Variants in RNF150 observed in about 807,000 individuals in gnomAD.
The protein encoded by RNF150 is ring finger protein 150.
Under a neutral mutation model 39.3 loss-of-function variants are expected in RNF150, and 24 were observed. The observed-to-expected ratio is 0.61, with a 90% CI of 0.44 to 0.86. RNF150 has a LOEUF of 0.86. RNF150 is among the 40% of genes least tolerant of loss of function. The probability of loss-of-function intolerance (pLI) is 0.00; values close to 1 mark genes in which losing one functional copy is unlikely to be tolerated. For missense variants in RNF150, 502 were observed against 587.8 expected (o/e 0.85, Z 1.51); for synonymous variants, 255 against 227.3 (o/e 1.12, Z -1.10).
intron 1 of RNF150, among the ~76,000 whole-genome samples, chr4:141,084,724 T>C (rs1442152711): frequency 6.6e-6 from 1 of 152,218 alleles, no homozygotes; most frequent in Non-Finnish European, 1.5e-5. Flanking sequence ...GAAATAAAGA[T>C]TCACTTTGTC....
intron 1 of RNF150, among the ~76,000 whole-genome samples, chr4:141,039,429 G>C (rs1256492198): frequency 6.6e-6 from 1 of 151,456 alleles, no homozygotes; most frequent in African/African-American, 2.4e-5. Flanking sequence ...AAAAGGGAGA[G>C]GAGAAAAGAG....
In RNF150 at chr4:140,999,975, GAAA is replaced by G. The variant is rs777595439; in HGVS notation, c.485-32105_485-32103del. 2.6e-4 allele frequency among the ~76,000 whole-genome samples: 11 copies of G among 41,828 alleles called. 2 individuals carry two copies. The highest frequency in any genetic ancestry group is 3.7e-4 in the Non-Finnish European group (7 of 18,898). The allele number at this position is 41,828 out of a possible 152,430, so 27.4% of individuals were successfully genotyped here. ...AGAAGAAGAAGAAGAAGAAGAAGAA[GAAA>G]AGAAGAAAAGAAGAAAAGAAGAAGA... On this transcript the variant is annotated intron_variant, in intron 1 of 6. Transcript: ENST00000515673.
At chr4:140,993,109 G>A (rs1734253671) in intron 1 of RNF150, among the ~76,000 whole-genome samples, 1 of 152,132 alleles carries the variant, frequency 6.6e-6, no homozygotes, top group Admixed American at 6.6e-5. Flanking sequence ...CCACAACTCA[G>A]GCCTGAAAAC....
At chr4:141,194,587 CA>C (rs148903558) in intron 1 of RNF150, among the ~76,000 whole-genome samples, 4,908 of 152,204 alleles carry the variant, frequency 0.032, 274 homozygotes, top group African/African-American at 0.11. Context: ...TACAGTGTTA[CA>C]ACTGCAGGCT....
intron 1 of RNF150, among the ~76,000 whole-genome samples, chr4:141,032,738 T>A (rs535400700): frequency 6.6e-6 from 1 of 152,190 alleles, no homozygotes; most frequent in East Asian, 1.9e-4. Context: ...GATTCAGTAA[T>A]AAGGTAAATA....
intron 4 of RNF150, among the ~76,000 whole-genome samples, chr4:140,936,750 T>A (rs1367238592): frequency 1.3e-5 from 2 of 152,122 alleles, no homozygotes; most frequent in Admixed American, 1.3e-4. Context: ...CTAGGCCATA[T>A]CATTCTTCAT....
rs375223217 is a variant in RNF150 at position 141,098,874 on chromosome 4, AC to A, written c.484+33450del. Among the ~76,000 whole-genome samples the A allele has an allele frequency of 2.7e-3, 408 of 152,218 alleles. 1 individual carries two copies. The highest frequency in any genetic ancestry group is 9.6e-3 in the African/African-American group (397 of 41,548). ...GGAAGTTTTATTAGACTTCTGACAC[AC>A]CTTAGCCAATGCAGAAAATGGTTCT... On this transcript the variant is annotated intron_variant, in intron 1 of 6. Transcript: ENST00000515673.
intron 6 of RNF150, among the ~76,000 whole-genome samples, chr4:140,902,982 G>A (rs1730242153): frequency 6.6e-6 from 1 of 152,184 alleles, no homozygotes; most frequent in Non-Finnish European, 1.5e-5. Context: ...GGTGCTAGAA[G>A]GAGAAAGGTG....
chr4:141,165,018 T>C (rs1024786140), intron 1 of RNF150, among the ~76,000 whole-genome samples: 5 of 151,584 alleles, frequency 3.3e-5, no homozygotes, highest in African/African-American at 1.2e-4. Flanking sequence ...GGATAAAGAG[T>C]CAAAACTCAC....
At chr4:140,870,325 T>C (rs1380195322) in intron 6 of RNF150, among the ~76,000 whole-genome samples, 1 of 152,176 alleles carries the variant, frequency 6.6e-6, no homozygotes, top group Non-Finnish European at 1.5e-5. Flanking sequence ...TTAAAAACAG[T>C]GGCATTCAAC....
At chr4:140,924,925 G>A (rs771502161) in intron 5 of RNF150, among the ~76,000 whole-genome samples, 1 of 152,112 alleles carries the variant, frequency 6.6e-6, no homozygotes, top group Non-Finnish European at 1.5e-5. Context: ...CTTCAGGTGC[G>A]CCCTCTCCAG....
At chr4:141,077,533 T>C (rs1032911113) in intron 1 of RNF150, among the ~76,000 whole-genome samples, 1 of 151,982 alleles carries the variant, frequency 6.6e-6, no homozygotes, top group African/African-American at 2.4e-5. Flanking sequence ...ATATGTGAGA[T>C]AAAAAATAAA....
chr4:141,125,988 C>T (rs1726740022), intron 1 of RNF150, among the ~76,000 whole-genome samples: 1 of 150,688 alleles, frequency 6.6e-6, no homozygotes, highest in African/African-American at 2.5e-5. Flanking sequence ...TGTTATTTAA[C>T]ACTTTGATGA....
At chr4:141,067,292 T>C (rs1469553083) in intron 1 of RNF150, among the ~76,000 whole-genome samples, 1 of 152,206 alleles carries the variant, frequency 6.6e-6, no homozygotes, top group African/African-American at 2.4e-5. Context: ...AAATCATCCT[T>C]AAGCTATTGC....
chr4:141,078,891 A>C (rs926327714), intron 1 of RNF150, among the ~76,000 whole-genome samples: 1 of 147,264 alleles, frequency 6.8e-6, no homozygotes, highest in Non-Finnish European at 1.5e-5. Context: ...ATACACATAC[A>C]TATATATACA....
chr4:140,877,476 G>A (rs942511519), intron 6 of RNF150, among the ~76,000 whole-genome samples: 3 of 152,184 alleles, frequency 2.0e-5, no homozygotes, highest in African/African-American at 7.2e-5. Context: ...GATAGGCAGA[G>A]TTCATACATA....
intron 1 of RNF150, among the ~76,000 whole-genome samples, chr4:141,189,460 C>T (rs1438590853): frequency 1.3e-5 from 2 of 152,198 alleles, no homozygotes; most frequent in African/African-American, 2.4e-5. Flanking sequence ...TCAGAGTCAG[C>T]GGGCAGGAAT....
chr4:140,985,379 G>A (rs1248756486), intron 1 of RNF150, among the ~76,000 whole-genome samples: 1 of 152,110 alleles, frequency 6.6e-6, no homozygotes, highest in Non-Finnish European at 1.5e-5. Context: ...TGAAGGGAGA[G>A]TCAAGGATCC....
intron 1 of RNF150, among the ~76,000 whole-genome samples, chr4:141,066,061 G>A (rs569340367): frequency 6.6e-5 from 10 of 151,830 alleles, no homozygotes; most frequent in Admixed American, 3.9e-4. Flanking sequence ...CTAACCCTTC[G>A]CCCTCAACAC....
Sources: gnomAD v4.1 joint callset for allele counts (sites outside exome capture counted in the v4.1 genomes callset) on GRCh38, gnomAD v4.1.1 for gene constraint, MANE v1.5 for transcripts, NCBI Gene and HGNC (gene_info 2026-07-23, HGNC 2026-07-21) for gene names.